The following KCNB2 variants were observed in gnomAD, a reference collection of about 807,000 sequenced individuals.
KCNB2 encodes the protein delayed rectifier potassium channel protein.
KCNB2 carries 15 observed loss-of-function variants against 61.5 expected under a neutral mutation model. The observed-to-expected ratio is 0.24, with a 90% CI of 0.16 to 0.38. The LOEUF (loss-of-function observed/expected upper bound fraction) is 0.38. Among genes scored for constraint, KCNB2 ranks in the 10% least tolerant of loss-of-function variants. The pLI, the probability that KCNB2 is intolerant of heterozygous loss-of-function variation, is 1.00. For missense variants in KCNB2, 828 were observed against 1,125.2 expected, an observed-to-expected ratio of 0.74 and a Z score of 3.78; for synonymous variants, 457 against 446.0, an observed-to-expected ratio of 1.02 and a Z score of -0.31.
Position 72,642,242 on chromosome 8 carries a change from A to G in KCNB2, c.579+73929A>G, listed in dbSNP as rs528270143. Among the ~76,000 whole-genome samples the G allele has an allele frequency of 1.7e-3, 254 of 152,324 alleles. 1 individual carries two copies. The highest frequency in any genetic ancestry group is 3.3e-3 in the South Asian group (16 of 4,826). ...GGAGAAAATATAAAATATCTCATTA[A>G]TAATTTTATATGGATTGTATGTCAA... On this transcript the variant is annotated intron_variant, in intron 2 of 2. Transcript: ENST00000523207.
At chr8:72,558,645 T>C (rs1308740637) in intron 1 of KCNB2, among the ~76,000 whole-genome samples, 1 of 152,202 alleles carries the variant, frequency 6.6e-6, no homozygotes, top group Non-Finnish European at 1.5e-5. Flanking sequence ...CTTTTTTAGT[T>C]AACTAATATT....
intron 2 of KCNB2, among the ~76,000 whole-genome samples, chr8:72,844,266 C>A (rs1434076824): frequency 6.6e-6 from 1 of 152,094 alleles, no homozygotes; most frequent in Non-Finnish European, 1.5e-5. Context: ...AATATTGGCC[C>A]CCACTCTCTT....
chr8:72,749,482 T>C (rs971326667), intron 2 of KCNB2: 1 of 151,972 alleles, frequency 6.6e-6, no homozygotes, highest in Non-Finnish European at 1.5e-5. Context: ...GTTTTTATGA[T>C]AAGAAATGAT....
intron 2 of KCNB2, among the ~76,000 whole-genome samples, chr8:72,852,366 A>C (rs1218265742): frequency 6.6e-6 from 1 of 152,230 alleles, no homozygotes; most frequent in Non-Finnish European, 1.5e-5. Context: ...GTTTTTCATT[A>C]CCATTTCTAC....
intron 2 of KCNB2, among the ~76,000 whole-genome samples, chr8:72,847,694 A>G (rs191365330): frequency 4.5e-4 from 69 of 152,282 alleles, no homozygotes; most frequent in African/African-American, 1.3e-3. Context: ...GAATTTCTCT[A>G]TGCTCAAACT....
chr8:72,631,233 T>C lies in KCNB2; in HGVS notation c.579+62920T>C, dbSNP rs572597697. Among the ~76,000 whole-genome samples, 5 of 152,304 alleles carry C rather than the reference T, an allele frequency of 3.3e-5. No homozygotes were observed. In the East Asian group the frequency reaches 9.7e-4, roughly 29 times the overall value. On this transcript the variant is annotated intron_variant, in intron 2 of 2. Coordinates refer to ENST00000523207, the MANE Select transcript of KCNB2 (RefSeq NM_004770.3). Reference sequence around the variant, plus strand: ...GAAACTGCGGATCAGAGGAGACTGCTGTAACACAAACTAAGAGCCTTAAGC... The same window carrying C: ...GAAACTGCGGATCAGAGGAGACTGCCGTAACACAAACTAAGAGCCTTAAGC...
intron 2 of KCNB2, among the ~76,000 whole-genome samples, chr8:72,923,759 G>A (rs1303035409): frequency 6.6e-6 from 1 of 152,088 alleles, no homozygotes; most frequent in African/African-American, 2.4e-5. Flanking sequence ...TAAGAAAGGA[G>A]GCACTAATGT....
At chr8:72,810,053 A>G (rs755254376) in intron 2 of KCNB2, among the ~76,000 whole-genome samples, 28 of 152,186 alleles carry the variant, frequency 1.8e-4, no homozygotes, top group Admixed American at 7.2e-4. Flanking sequence ...CTGTACAACC[A>G]AGAGGCCTCC....
intron 2 of KCNB2, among the ~76,000 whole-genome samples, chr8:72,663,245 A>C (rs968960849): frequency 2.6e-5 from 4 of 152,202 alleles, no homozygotes; most frequent in Non-Finnish European, 4.4e-5. Context: ...ATTTTTTTAA[A>C]TAATACAAGA....
chr8:72,731,004 C>G (rs1471825483), intron 2 of KCNB2, among the ~76,000 whole-genome samples: 1 of 152,154 alleles, frequency 6.6e-6, no homozygotes, highest in East Asian at 1.9e-4. Flanking sequence ...CTATTCCTTC[C>G]CTTCTGTTGT....
intron 2 of KCNB2, among the ~76,000 whole-genome samples, chr8:72,843,410 C>T (rs1809929832): frequency 6.6e-6 from 1 of 152,128 alleles, no homozygotes; most frequent in African/African-American, 2.4e-5. Flanking sequence ...AATGTATATT[C>T]TGTTGATTTG....
intron 2 of KCNB2, among the ~76,000 whole-genome samples, chr8:72,720,209 G>T (rs746285823): frequency 4.6e-5 from 7 of 152,184 alleles, no homozygotes; most frequent in Non-Finnish European, 8.8e-5. Flanking sequence ...ATATCTTGGT[G>T]CTTGGAAGGA....
chr8:72,873,726 G>A (rs1480881413), intron 2 of KCNB2, among the ~76,000 whole-genome samples: 1 of 152,198 alleles, frequency 6.6e-6, no homozygotes, highest in Non-Finnish European at 1.5e-5. Context: ...ACAGACCCAT[G>A]GTCCTACACA....
chr8:72,779,657 G>A (rs529372390), intron 2 of KCNB2, among the ~76,000 whole-genome samples: 6 of 152,132 alleles, frequency 3.9e-5, no homozygotes, highest in East Asian at 1.9e-4. Flanking sequence ...AAATCTTACC[G>A]TCTGGCTAGA....
At chr8:72,599,118 CA>C (rs1563534789) in intron 2 of KCNB2, among the ~76,000 whole-genome samples, 3 of 152,134 alleles carry the variant, frequency 2.0e-5, no homozygotes, top group Middle Eastern at 3.4e-3. Flanking sequence ...CATACGGAAC[CA>C]AAAAAGAGCC....
At chr8:72,568,623 G>A (rs1166062517) in intron 2 of KCNB2, among the ~76,000 whole-genome samples, 2 of 152,200 alleles carry the variant, frequency 1.3e-5, no homozygotes, top group South Asian at 2.1e-4. Context: ...TGAGGAGAAA[G>A]CCCTAGCTCA....
At chr8:72,542,609 T>A (rs576033291) in intron 1 of KCNB2, among the ~76,000 whole-genome samples, 15 of 152,282 alleles carry the variant, frequency 9.9e-5, no homozygotes, top group South Asian at 8.3e-4. Flanking sequence ...TTTATTGGCT[T>A]CCTTTGTGTG....
chr8:72,721,891 G>A (rs1032152312), intron 2 of KCNB2, among the ~76,000 whole-genome samples: 2 of 152,068 alleles, frequency 1.3e-5, no homozygotes, highest in African/African-American at 4.8e-5. Context: ...ATATACAGCC[G>A]CCAACTGGAC....
chr8:72,692,338 G>C (rs1036283703), intron 2 of KCNB2, among the ~76,000 whole-genome samples: 3 of 151,458 alleles, frequency 2.0e-5, no homozygotes, highest in African/African-American at 7.3e-5. Flanking sequence ...TTACAATCCT[G>C]TGAAGGATTG....
Sources: allele counts gnomAD v4.1 joint callset (sites outside exome capture counted in the v4.1 genomes callset), GRCh38; gene constraint gnomAD v4.1.1; transcripts MANE v1.5; gene names NCBI Gene and HGNC (gene_info 2026-07-23, HGNC 2026-07-21).